Variants in MPP7 observed in about 807,000 individuals in gnomAD.
MPP7 encodes the protein MAGUK p55 scaffold protein 7, also known as MAGUK p55 subfamily member 7.
Under a neutral mutation model 76.5 loss-of-function variants are expected in MPP7, and 60 were observed. That is an observed-to-expected ratio of 0.78 (90% CI 0.64 to 0.97). The LOEUF (loss-of-function observed/expected upper bound fraction) is 0.97, where lower values mean the gene tolerates loss of function less well. MPP7 is among the 50% of genes least tolerant of loss of function. The pLI is 0.00. For missense variants in MPP7, 641 were observed against 694.0 expected, an observed-to-expected ratio of 0.92 and a Z score of 0.86; for synonymous variants, 237 against 244.5, an observed-to-expected ratio of 0.97 and a Z score of 0.29.
At chr10:28,268,745 A>G (rs1405106930) in intron 1 of MPP7, among the ~76,000 whole-genome samples, 3 of 151,908 alleles carry the variant, frequency 2.0e-5, no homozygotes, top group Non-Finnish European at 2.9e-5. Context: ...AAAAAAAAAA[A>G]AAAAGGCAAT....
At chr10:28,173,780 T>C (rs542735610) in intron 3 of MPP7, among the ~76,000 whole-genome samples, 6 of 152,218 alleles carry the variant, frequency 3.9e-5, no homozygotes, top group Middle Eastern at 3.4e-3. Flanking sequence ...AAGAGAAAAT[T>C]AGAAAGTGTT....
At chr10:28,318,195 G>A (rs534006561) in intron 2 of MPP7, among the ~76,000 whole-genome samples, 1 of 152,152 alleles carries the variant, frequency 6.6e-6, no homozygotes, top group Non-Finnish European at 1.5e-5. Context: ...CTCTTGGACT[G>A]ATCTATAATT....
chr10:28,060,416 G>A (rs768069604), intron 13 of MPP7, among the ~76,000 whole-genome samples: 20 of 152,164 alleles, frequency 1.3e-4, no homozygotes, highest in Non-Finnish European at 2.2e-4. Context: ...TGCTGACATG[G>A]CAAATGTAAA....
Position 28,051,991 on chromosome 10 carries a change from G to C in MPP7, c.*2074C>G, listed in dbSNP as rs1851378152. The C allele has an allele frequency of 6.7e-6, 1 of 149,094 alleles. No homozygotes were observed. Among genetic ancestry groups the C allele is most frequent in the African/African-American group, 2.5e-5 (1 of 40,344 alleles). 9.2% of individuals were successfully genotyped at this position (149,094 alleles called of 1,614,324 possible). ...TGTTCTAGCTCTGCGCTTAAGGTCT[G>C]GACCTTTCTTTTTTAAAATGTTATA... On this transcript the variant is annotated 3_prime_UTR_variant, in exon 17 of 17. Coordinates refer to ENST00000683449, the MANE Select transcript of MPP7 (RefSeq NM_001318170.2).
chr10:28,190,252 T>C lies in MPP7; in HGVS notation c.156+11901A>G, dbSNP rs147207809. ...AACTTCAACACCCGCTATCAGTCAG[T>C]AATTGACAGATCCGGCAGGCAAAAA... On this transcript the variant is annotated intron_variant, in intron 3 of 16. Coordinates refer to ENST00000683449, the MANE Select transcript of MPP7 (RefSeq NM_001318170.2). Among the ~76,000 whole-genome samples, 291 of 152,112 alleles carry C rather than the reference T, an allele frequency of 1.9e-3. 2 individuals are homozygous for C. The highest frequency in any genetic ancestry group is 5.8e-3 in the African/African-American group (240 of 41,484).
At chr10:28,278,479 A>G (rs1564752799) in intron 1 of MPP7, among the ~76,000 whole-genome samples, 1 of 152,098 alleles carries the variant, frequency 6.6e-6, no homozygotes, top group Non-Finnish European at 1.5e-5. Context: ...ATGGATTTAC[A>G]TGAGCAACCA....
At chr10:28,275,620 T>A (rs2133061038) in intron 1 of MPP7, among the ~76,000 whole-genome samples, 1 of 152,252 alleles carries the variant, frequency 6.6e-6, no homozygotes, top group African/African-American at 2.4e-5. Context: ...TTGGCCAGGC[T>A]GGTCTCAAAC....
intron 1 of MPP7, among the ~76,000 whole-genome samples, chr10:28,299,828 C>G (rs11006999): frequency 6.7e-6 from 1 of 150,044 alleles, no homozygotes; most frequent in Admixed American, 6.6e-5. Flanking sequence ...TGCAGTGGCA[C>G]GATCTCAGCT....
chr10:28,165,976 G>T (rs975611824), intron 3 of MPP7, among the ~76,000 whole-genome samples: 1 of 137,478 alleles, frequency 7.3e-6, no homozygotes, highest in Non-Finnish European at 1.5e-5. Flanking sequence ...AGTGAGCCAA[G>T]ATCGCGCCAC....
chr10:28,059,058 C>T (rs1588707731), intron 14 of MPP7, among the ~76,000 whole-genome samples: 1 of 152,206 alleles, frequency 6.6e-6, no homozygotes, highest in African/African-American at 2.4e-5. Context: ...CTGCGCCAAA[C>T]ACGAAAAAAG....
chr10:28,242,876 G>A (rs1329576599), intron 1 of MPP7, among the ~76,000 whole-genome samples: 1 of 152,008 alleles, frequency 6.6e-6, no homozygotes, highest in Non-Finnish European at 1.5e-5. Context: ...GAGAGGGAAG[G>A]TTCATTATAG....
At chr10:28,330,427 C>T (rs1044232908) in intron 1 of MPP7, among the ~76,000 whole-genome samples, 3 of 152,230 alleles carry the variant, frequency 2.0e-5, no homozygotes, top group Middle Eastern at 3.4e-3. Flanking sequence ...CTGACCTGCC[C>T]AACTTAGCAA....
At chr10:28,229,534 T>C (rs977233360) in intron 2 of MPP7, among the ~76,000 whole-genome samples, 5 of 152,132 alleles carry the variant, frequency 3.3e-5, no homozygotes, top group African/African-American at 1.2e-4. Flanking sequence ...AGTTGTGAGT[T>C]GGAGGTAAAC....
At chr10:28,286,455 C>T (rs567540649) in intron 1 of MPP7, among the ~76,000 whole-genome samples, 49 of 152,268 alleles carry the variant, frequency 3.2e-4, no homozygotes, top group East Asian at 1.9e-3. Context: ...AGTAACTGGT[C>T]CCTGCTTCTA....
In MPP7 at chr10:28,151,345, TAA is replaced by T. The variant is rs1372732585; in HGVS notation, c.157-1288_157-1287del. Among the ~76,000 whole-genome samples the T allele has an allele frequency of 2.0e-5, 3 of 152,298 alleles. No homozygotes were observed. The East Asian group carries it at 5.8e-4, about 29-fold the overall frequency. On this transcript the variant is annotated intron_variant, in intron 3 of 16. Transcript: ENST00000683449. ...AATAAACTTTAAAGACTGTAAGCTA[TAA>T]AAAGAGTTAGATTTGATTTGAGAAA...
Position 28,075,161 on chromosome 10 carries a change from A to G in MPP7, c.1124-5309T>C, listed in dbSNP as rs564150089. On this transcript the variant is annotated intron_variant, in intron 12 of 16. Transcript: ENST00000683449. ...CAAACAGATCTTGTGAGAACTCACT[A>G]TCACGACACAGTACCAAGGGGAAAA... Among the ~76,000 whole-genome samples the G allele has an allele frequency of 4.6e-5, 7 of 152,258 alleles. No homozygotes were observed. In the South Asian group the frequency reaches 1.5e-3, roughly 32 times the overall value.
intron 11 of MPP7, among the ~76,000 whole-genome samples, chr10:28,099,408 T>C (rs1383599643): frequency 2.0e-5 from 3 of 152,204 alleles, no homozygotes; most frequent in Non-Finnish European, 4.4e-5. Flanking sequence ...AATAAGCTTT[T>C]AATATGTTTA....
chr10:28,101,245 T>G (rs1224034092), intron 11 of MPP7, among the ~76,000 whole-genome samples: 2 of 152,144 alleles, frequency 1.3e-5, no homozygotes, highest in African/African-American at 2.4e-5. Flanking sequence ...TCCCTATGCA[T>G]AAATATAATG....
In MPP7 at chr10:28,106,789, A is replaced by G. The variant is rs150448953; in HGVS notation, c.952+12862T>C. Among the ~76,000 whole-genome samples, 58 of 152,296 alleles carry G rather than the reference A, an allele frequency of 3.8e-4. 1 individual carries two copies. In the East Asian group the frequency reaches 0.011, roughly 28 times the overall value. On this transcript the variant is annotated intron_variant, in intron 11 of 16. Coordinates refer to ENST00000683449, the MANE Select transcript of MPP7 (RefSeq NM_001318170.2). Reference sequence around the variant, plus strand: ...ACACCTTGCAATTTGGCTTCCGGTGAAAATGTTTCTCAGATGTTATCAGTG... The same window carrying G: ...ACACCTTGCAATTTGGCTTCCGGTGGAAATGTTTCTCAGATGTTATCAGTG...
Sources: gnomAD v4.1 joint callset for allele counts (sites outside exome capture counted in the v4.1 genomes callset) on GRCh38, gnomAD v4.1.1 for gene constraint, MANE v1.5 for transcripts, NCBI Gene and HGNC (gene_info 2026-07-23, HGNC 2026-07-21) for gene names.